The following SPTLC1 variants were observed in gnomAD, a reference collection of about 807,000 sequenced individuals.
SPTLC1 encodes the protein serine palmitoyltransferase long chain base subunit 1.
In SPTLC1, 55 loss-of-function variants were observed where a neutral mutation model predicts 68.9. That is an observed-to-expected ratio of 0.80 (90% CI 0.64 to 1.00). SPTLC1 has a LOEUF of 1.00. Among genes scored for constraint, SPTLC1 ranks in the 50% least tolerant of loss-of-function variants. The pLI, the probability that SPTLC1 is intolerant of heterozygous loss-of-function variation, is 0.00. For missense variants in SPTLC1, 449 were observed against 573.1 expected, an observed-to-expected ratio of 0.78 and a Z score of 2.21; for synonymous variants, 197 against 201.6, an observed-to-expected ratio of 0.98 and a Z score of 0.19.
chr9:92,075,786 T>C (rs185420163), intron 5 of SPTLC1, among the ~76,000 whole-genome samples: 17 of 152,308 alleles, frequency 1.1e-4, no homozygotes, highest in South Asian at 8.3e-4. Flanking sequence ...TCACTCTTTA[T>C]TGAAAATCTC....
intron 3 of SPTLC1, chr9:92,104,806 C>T (rs1835897111): frequency 6.5e-7 from 1 of 1,532,196 alleles, no homozygotes; most frequent in Non-Finnish European, 8.7e-7. Flanking sequence ...CCTCCTGGTA[C>T]AATCCCAGGC....
chr9:92,056,822 G>A (rs1200808635), intron 7 of SPTLC1, among the ~76,000 whole-genome samples: 2 of 152,172 alleles, frequency 1.3e-5, no homozygotes, highest in Non-Finnish European at 2.9e-5. Flanking sequence ...GGAATAAAAA[G>A]TACATATCAC....
chr9:92,112,684 T>A, intron 1 of SPTLC1, 122 bp from the exon 2 acceptor site: 1 of 656,862 alleles, frequency 1.5e-6, no homozygotes, highest in Non-Finnish European at 2.7e-6. Context: ...ACAATTTACT[T>A]TCGAAGCTCC....
chr9:92,050,437 C>T lies in SPTLC1; in HGVS notation c.781-370G>A, dbSNP rs1833667371. On this transcript the variant is annotated intron_variant, in intron 8 of 14. Coordinates refer to ENST00000262554, the MANE Select transcript of SPTLC1 (RefSeq NM_006415.4). ...TGTTGGTGATTTTGCTATTTAGAGTCGCCCCCAAGTGTCATGCTAAAGTGC... is the reference window on the plus strand; with the variant it reads ...TGTTGGTGATTTTGCTATTTAGAGTTGCCCCCAAGTGTCATGCTAAAGTGC... 1.4e-5 allele frequency: 4 copies of T among 290,350 alleles called. No individual in the cohort carries two copies. The Admixed American group carries it at 1.4e-4, about 10-fold the overall frequency. The allele number at this position is 290,350 out of a possible 1,614,324, so 18.0% of individuals were successfully genotyped here.
chr9:92,113,356 C>T (rs1294827415), intron 1 of SPTLC1, among the ~76,000 whole-genome samples: 1 of 152,184 alleles, frequency 6.6e-6, no homozygotes, highest in African/African-American at 2.4e-5. Context: ...AGCAAGCAAA[C>T]ATCTGCCCCA....
At chr9:92,048,808 G>A (rs1833606069) in intron 9 of SPTLC1, among the ~76,000 whole-genome samples, 3 of 152,132 alleles carry the variant, frequency 2.0e-5, no homozygotes, top group Admixed American at 6.5e-5. Flanking sequence ...ATCTCTGATT[G>A]TCTCACCAAA....
chr9:92,061,167 T>C (rs114515526), intron 6 of SPTLC1, among the ~76,000 whole-genome samples: 1 of 152,162 alleles, frequency 6.6e-6, no homozygotes. Flanking sequence ...GCAAAATCCA[T>C]ACGGACTAAT....
chr9:92,059,793 C>G (rs574307273), intron 6 of SPTLC1, among the ~76,000 whole-genome samples: 1 of 152,270 alleles, frequency 6.6e-6, no homozygotes, highest in East Asian at 1.9e-4. Context: ...GTACCCAGCC[C>G]CATCTATGTC....
At position 92,061,986 on chromosome 9, in the gene SPTLC1, T is replaced by G. The variant is rs527359814; in HGVS notation, c.561-2678A>C. Among the ~76,000 whole-genome samples, 164 of 152,272 alleles carry G rather than the reference T, an allele frequency of 1.1e-3. 1 individual carries two copies. The East Asian group carries it at 0.018, about 17-fold the overall frequency. On this transcript the variant is annotated intron_variant, in intron 6 of 14. Coordinates refer to ENST00000262554, the MANE Select transcript of SPTLC1 (RefSeq NM_006415.4). ...ACTTTGTTTTAACAGACTTAAACTC[T>G]ACTATGTCAATAATTACATTAAATG...
chr9:92,077,282 A>C (rs745399493), intron 5 of SPTLC1, among the ~76,000 whole-genome samples: 4 of 152,118 alleles, frequency 2.6e-5, no homozygotes, highest in Non-Finnish European at 5.9e-5. Context: ...CAGGCTAGAC[A>C]GGAAATCCAC....
intron 5 of SPTLC1, among the ~76,000 whole-genome samples, chr9:92,069,473 C>T (rs1834408156): frequency 6.6e-6 from 1 of 152,146 alleles, no homozygotes. Context: ...AAGAACGTAT[C>T]CCAGGTGATC....
intron 3 of SPTLC1, among the ~76,000 whole-genome samples, chr9:92,090,953 C>T (rs1308267463): frequency 6.6e-6 from 1 of 152,158 alleles, no homozygotes. Context: ...GGTCCCTAAT[C>T]ATCTGTGGCG....
Position 92,108,656 on chromosome 9 carries a change from G to C in SPTLC1, c.260+84C>G, listed in dbSNP as rs1836098627. The C allele has an allele frequency of 1.9e-6, 3 of 1,577,382 alleles. No homozygotes were observed. The South Asian group carries it at 3.4e-5, about 18-fold the overall frequency. The stretch of plus-strand genomic sequence containing the variant: ...AAATGTTTTGTTTCAGATAAAAAAA[G>C]GACTACTACATATAAAGCACTATAG... On this transcript the variant is annotated intron_variant, in intron 3 of 14. Transcript: ENST00000262554.
At chr9:92,092,847 G>A (rs1178688673) in intron 3 of SPTLC1, among the ~76,000 whole-genome samples, 1 of 152,178 alleles carries the variant, frequency 6.6e-6, no homozygotes, top group Non-Finnish European at 1.5e-5. Context: ...AAAGTTTGCA[G>A]CAAGTTCATT....
intron 7 of SPTLC1, among the ~76,000 whole-genome samples, chr9:92,058,976 T>C (rs569177422): frequency 6.6e-6 from 1 of 152,236 alleles, no homozygotes; most frequent in East Asian, 1.9e-4. Flanking sequence ...TCCCTCCAAT[T>C]TGCTATATGT....
intron 5 of SPTLC1, among the ~76,000 whole-genome samples, chr9:92,075,455 AC>A (rs1213155016): frequency 6.6e-6 from 1 of 152,022 alleles, no homozygotes; most frequent in Non-Finnish European, 1.5e-5. Context: ...CCTAGAGGCA[AC>A]CCCTACTCAA....
chr9:92,052,124 C>T (rs1227222326), intron 8 of SPTLC1, among the ~76,000 whole-genome samples: 1 of 152,280 alleles, frequency 6.6e-6, no homozygotes, highest in East Asian at 1.9e-4. Context: ...TTTCAAGAGA[C>T]CCCAAATAGC....
intron 9 of SPTLC1, 126 bp from the exon 10 acceptor site, chr9:92,047,834 T>C (rs746515125): frequency 7.3e-6 from 5 of 680,852 alleles, no homozygotes; most frequent in South Asian, 6.7e-5. Flanking sequence ...ACTACCTATC[T>C]ACATGAAAAT....
chr9:92,095,039 A>T (rs563935554), intron 3 of SPTLC1, among the ~76,000 whole-genome samples: 1 of 152,332 alleles, frequency 6.6e-6, no homozygotes, highest in East Asian at 1.9e-4. Flanking sequence ...GTAACAGAGT[A>T]CTAACTCAAA....
Sources: allele counts gnomAD v4.1 joint callset (sites outside exome capture counted in the v4.1 genomes callset), GRCh38; gene constraint gnomAD v4.1.1; transcripts MANE v1.5; gene names NCBI Gene and HGNC (gene_info 2026-07-23, HGNC 2026-07-21).